INSYN2B: variants seen among roughly 807,000 people sequenced by gnomAD.
INSYN2B encodes the protein protein INSYN2B.
A neutral mutation model predicts 41.2 loss-of-function variants in INSYN2B; 16 were observed. The ratio of observed to expected loss-of-function variants is 0.39; its 90% CI spans 0.26 to 0.59. INSYN2B has a LOEUF of 0.59. INSYN2B is among the 20% of genes least tolerant of loss of function. INSYN2B has a pLI of 0.57. For synonymous variants in INSYN2B, 245 were observed against 244.4 expected, an observed-to-expected ratio of 1.00 and a Z score of -0.02; for missense variants, 608 against 646.4, an observed-to-expected ratio of 0.94 and a Z score of 0.64.
intron 1 of INSYN2B, among the ~76,000 whole-genome samples, chr5:169,975,371 G>C (rs1777678301): frequency 6.6e-6 from 1 of 152,126 alleles, no homozygotes; most frequent in Non-Finnish European, 1.5e-5. Flanking sequence ...CAAATCAATG[G>C]CTTCTCTTTG....
chr5:169,957,283 C>G (rs1776908392), intron 1 of INSYN2B, among the ~76,000 whole-genome samples: 1 of 152,198 alleles, frequency 6.6e-6, no homozygotes, highest in African/African-American at 2.4e-5. Flanking sequence ...CTGCTCTGAG[C>G]CCCAGTTTCT....
chr5:169,957,415 GT>G (rs1356213504), intron 1 of INSYN2B, among the ~76,000 whole-genome samples: 1 of 152,180 alleles, frequency 6.6e-6, no homozygotes, highest in Non-Finnish European at 1.5e-5. Context: ...CTCAACCAAT[GT>G]TAGCTTAGTA....
At chr5:169,973,811 T>TTACTTTAC (rs1169479927) in intron 1 of INSYN2B, among the ~76,000 whole-genome samples, 2 of 152,222 alleles carry the variant, frequency 1.3e-5, no homozygotes, top group Non-Finnish European at 1.5e-5. Flanking sequence ...CTTTACCAAT[T>TTACTTTAC]GGTCTATCTG....
At chr5:169,892,051 A>G (rs1388831198) in intron 1 of INSYN2B, among the ~76,000 whole-genome samples, 1 of 151,980 alleles carries the variant, frequency 6.6e-6, no homozygotes, top group Non-Finnish European at 1.5e-5. Flanking sequence ...AACAACCACT[A>G]CAACAAACTT....
At chr5:169,915,090 T>G (rs1046906920) in intron 1 of INSYN2B, among the ~76,000 whole-genome samples, 1 of 152,204 alleles carries the variant, frequency 6.6e-6, no homozygotes, top group Non-Finnish European at 1.5e-5. Context: ...ATTCTAGGCC[T>G]TGATGTTGAG....
Position 169,882,833 on chromosome 5 carries a change from C to G in INSYN2B, c.1066G>C (p.Glu356Gln). The G allele has an allele frequency of 6.4e-7, 1 of 1,550,776 alleles. No individual in the cohort carries two copies. Among genetic ancestry groups the G allele is most frequent in the South Asian group, 1.2e-5 (1 of 84,014 alleles). Reference sequence around the variant, plus strand: ...TCGGTGGGGTTGTTTGCCGTCTGCTCCTGACACCCAGGGGCAGATTTCGAT... The same window carrying G: ...TCGGTGGGGTTGTTTGCCGTCTGCTGCTGACACCCAGGGGCAGATTTCGAT... ...SASKSAPGCQ[E>Q]QTANNPTESD... The change falls in exon 2 of 4, where the codon GAG becomes CAG. Residue 356 changes from glutamate (E) to glutamine (Q), a missense_variant. Transcript: ENST00000377365.
Position 169,861,609 on chromosome 5 carries a change from G to A in INSYN2B, c.*2664C>T, listed in dbSNP as rs1771202585. Among the ~76,000 whole-genome samples the A allele has an allele frequency of 6.6e-6, 1 of 152,184 alleles. No individual in the cohort carries two copies. Among genetic ancestry groups the A allele is most frequent in the African/African-American group, 2.4e-5 (1 of 41,450 alleles). ...AGATAACCTCAAGTACAGCATTTCT[G>A]TAGAATATCATGGTAGATGTTACGT... On this transcript the variant is annotated 3_prime_UTR_variant, in exon 4 of 4. Coordinates refer to ENST00000377365, the MANE Select transcript of INSYN2B (RefSeq NM_001129891.3).
At chr5:169,919,877 G>T (rs1775076176) in intron 1 of INSYN2B, among the ~76,000 whole-genome samples, 1 of 152,220 alleles carries the variant, frequency 6.6e-6, no homozygotes, top group Non-Finnish European at 1.5e-5. Context: ...TTAACCAGCA[G>T]ATTAGTATTA....
chr5:169,926,608 G>C (rs1470928687), intron 1 of INSYN2B, among the ~76,000 whole-genome samples: 1 of 152,192 alleles, frequency 6.6e-6, no homozygotes, highest in Non-Finnish European at 1.5e-5. Context: ...ACAGAATAGG[G>C]TTTAAGCAAA....
intron 1 of INSYN2B, among the ~76,000 whole-genome samples, chr5:169,927,390 G>A (rs918580659): frequency 1.3e-5 from 2 of 152,162 alleles, no homozygotes; most frequent in Non-Finnish European, 2.9e-5. Flanking sequence ...CCCATCCCTA[G>A]AGATGGGGAC....
Position 169,883,623 on chromosome 5 carries a change from A to G in INSYN2B, c.276T>C (p.Phe92=). ...SFPRSQKAGG[F]RNIAIQTSPS... ...GGGAAGTTTGGATTGCAATGTTGCG[A>G]AAGCCCCCTGCCTTCTGGGACCTGG... The change falls in exon 2 of 4, where the codon TTT becomes TTC. Residue 92 remains phenylalanine, a synonymous_variant. Coordinates refer to ENST00000377365, the MANE Select transcript of INSYN2B (RefSeq NM_001129891.3). 6.4e-7 allele frequency: 1 copy of G among 1,551,590 alleles called. No individual in the cohort carries two copies. Among genetic ancestry groups the G allele is most frequent in the South Asian group, 1.2e-5 (1 of 84,046 alleles).
At position 169,864,347 on chromosome 5, in the gene INSYN2B, G is replaced by T. The variant is rs1456976309; in HGVS notation, c.1534C>A (p.Pro512Thr). The change falls in exon 4 of 4, where the codon CCC becomes ACC. Residue 512 changes from proline to threonine, a missense_variant. Transcript: ENST00000377365. The part of the protein sequence containing the change: ...ASPPPKSPAE[P>T]PAPEKQDLRR... The stretch of plus-strand genomic sequence containing the variant: ...AAGTCCTGCTTTTCCGGGGCTGGGG[G>T]TTCTGCTGGGGACTTTGGTGGGGGC... 8.4e-6 allele frequency: 13 copies of T among 1,551,450 alleles called. No homozygotes were observed. Among genetic ancestry groups the T allele is most frequent in the East Asian group, 2.4e-5 (1 of 40,928 alleles).
At chr5:169,864,951 G>A (rs1166530873) in intron 3 of INSYN2B, among the ~76,000 whole-genome samples, 4 of 152,220 alleles carry the variant, frequency 2.6e-5, no homozygotes, top group Non-Finnish European at 5.9e-5. Context: ...AATGCTCAGA[G>A]TAGTGCCTGG....
intron 3 of INSYN2B, among the ~76,000 whole-genome samples, chr5:169,865,785 C>T (rs1771509789): frequency 6.6e-6 from 1 of 152,180 alleles, no homozygotes; most frequent in Non-Finnish European, 1.5e-5. Flanking sequence ...ACCAAAGACC[C>T]CATGTTGGTT....
intron 1 of INSYN2B, among the ~76,000 whole-genome samples, chr5:169,917,664 T>C (rs748373211): frequency 6.6e-6 from 1 of 152,088 alleles, no homozygotes; most frequent in Non-Finnish European, 1.5e-5. Context: ...CAGACATGCA[T>C]AGAAAGAGAA....
chr5:169,967,756 A>G lies in INSYN2B; in HGVS notation c.-919+12521T>C, dbSNP rs144343098. Among the ~76,000 whole-genome samples, 218 of 152,304 alleles carry G rather than the reference A, an allele frequency of 1.4e-3. 1 individual carries two copies. Among genetic ancestry groups the G allele is most frequent in the Middle Eastern group, 6.8e-3 (2 of 294 alleles). On this transcript the variant is annotated intron_variant, in intron 1 of 3. Coordinates refer to ENST00000377365, the MANE Select transcript of INSYN2B (RefSeq NM_001129891.3). ...TACTGCAATAATCCAGGTACTGATG[A>G]TGGTAGCGTCAATCAGTGCAGTAAG... is the stretch of plus-strand genomic sequence containing the variant.
intron 1 of INSYN2B, among the ~76,000 whole-genome samples, chr5:169,890,705 C>T (rs959276245): frequency 3.9e-5 from 6 of 152,116 alleles, no homozygotes; most frequent in Admixed American, 2.0e-4. Flanking sequence ...GGTTAAGATC[C>T]AGACTTATAT....
intron 3 of INSYN2B, among the ~76,000 whole-genome samples, chr5:169,874,110 T>C (rs1772159030): frequency 6.6e-6 from 1 of 151,854 alleles, no homozygotes; most frequent in Non-Finnish European, 1.5e-5. Flanking sequence ...GATGCATCAA[T>C]AATGATTAAA....
intron 1 of INSYN2B, among the ~76,000 whole-genome samples, chr5:169,890,631 G>T (rs1198311117): frequency 6.6e-6 from 1 of 152,156 alleles, no homozygotes; most frequent in Non-Finnish European, 1.5e-5. Flanking sequence ...AAGAAACAAA[G>T]GGAATTGACT....
Sources: allele counts gnomAD v4.1 joint callset (sites outside exome capture counted in the v4.1 genomes callset), GRCh38; gene constraint gnomAD v4.1.1; transcripts MANE v1.5; gene names NCBI Gene and HGNC (gene_info 2026-07-23, HGNC 2026-07-21).